Variants in FRMD4A observed in about 807,000 individuals in gnomAD.
FRMD4A encodes the protein FERM domain containing 4A.
Under a neutral mutation model 129.1 loss-of-function variants are expected in FRMD4A, and 29 were observed. The ratio of observed to expected loss-of-function variants is 0.22; its 90% CI spans 0.17 to 0.31. The LOEUF (loss-of-function observed/expected upper bound fraction) is 0.31, where lower values mean the gene tolerates loss of function less well. FRMD4A is among the 10% of genes least tolerant of loss of function. FRMD4A has a pLI of 1.00. For missense variants in FRMD4A, 1,272 were observed against 1,375.8 expected (o/e 0.92, Z 1.19); for synonymous variants, 634 against 571.6 (o/e 1.11, Z -1.56).
At chr10:14,197,839 A>G (rs966944706) in intron 2 of FRMD4A, among the ~76,000 whole-genome samples, 1 of 152,236 alleles carries the variant, frequency 6.6e-6, no homozygotes, top group African/African-American at 2.4e-5. Flanking sequence ...CACATCATCT[A>G]TGCAACCCTT....
chr10:13,943,478 T>C (rs915673525), intron 2 of FRMD4A, among the ~76,000 whole-genome samples: 4 of 150,484 alleles, frequency 2.7e-5, no homozygotes, highest in Non-Finnish European at 5.9e-5. Context: ...TGAAACCCTG[T>C]CTCTACTAAA....
chr10:14,067,484 G>T (rs1835116770), intron 2 of FRMD4A, among the ~76,000 whole-genome samples: 1 of 152,026 alleles, frequency 6.6e-6, no homozygotes, highest in African/African-American at 2.4e-5. Context: ...CTAGGAAATA[G>T]CATCAATATA....
intron 2 of FRMD4A, among the ~76,000 whole-genome samples, chr10:14,218,955 CAAAAAAAAAAAAAAAAAAAAAAAAAAA>C (rs56064346): frequency 1.2e-4 from 9 of 72,638 alleles, no homozygotes; most frequent in Admixed American, 1.5e-4. Context: ...GACTTCATCT[CAAAAAAAAAAAAAAAAAAAAAAAAAAA>C]AAAAAAAAAA....
At chr10:14,205,323 T>G (rs1169497894) in intron 2 of FRMD4A, among the ~76,000 whole-genome samples, 6 of 152,106 alleles carry the variant, frequency 3.9e-5, no homozygotes, top group Non-Finnish European at 8.8e-5. Flanking sequence ...GCAGAACATG[T>G]CCATCATCAT....
At chr10:13,647,186 C>T (rs1293724145) in intron 24 of FRMD4A, 151 bp from the exon 25 acceptor site, 1 of 152,860 alleles carries the variant, frequency 6.5e-6, no homozygotes, top group African/African-American at 2.4e-5. Flanking sequence ...GCCTGAGACC[C>T]TCAACAGTGC....
At chr10:14,019,769 G>A (rs374001333) in intron 2 of FRMD4A, among the ~76,000 whole-genome samples, 2 of 152,358 alleles carry the variant, frequency 1.3e-5, no homozygotes, top group Admixed American at 6.5e-5. Flanking sequence ...AATGTCAGTA[G>A]CAGAAGTAGG....
intron 2 of FRMD4A, among the ~76,000 whole-genome samples, chr10:14,233,925 AC>A (rs1589209282): frequency 6.6e-6 from 1 of 152,232 alleles, no homozygotes; most frequent in African/African-American, 2.4e-5. Flanking sequence ...AATCAATGGG[AC>A]ACAGGGAAAA....
At chr10:13,780,502 C>A (rs550169663) in intron 6 of FRMD4A, among the ~76,000 whole-genome samples, 2 of 152,230 alleles carry the variant, frequency 1.3e-5, no homozygotes, top group African/African-American at 4.8e-5. Flanking sequence ...GGGGCTGTCG[C>A]TCTCAATTAG....
At chr10:14,088,698 C>T (rs2131746943) in intron 2 of FRMD4A, among the ~76,000 whole-genome samples, 2 of 144,488 alleles carry the variant, frequency 1.4e-5, no homozygotes, top group Middle Eastern at 3.6e-3. Flanking sequence ...AACCTGGGAG[C>T]TTGCATGAAC....
chr10:13,877,559 G>A (rs1022187606), intron 2 of FRMD4A, among the ~76,000 whole-genome samples: 35 of 152,200 alleles, frequency 2.3e-4, no homozygotes, highest in African/African-American at 8.4e-4. Context: ...CAGAGCTGCA[G>A]GGAGAGCTTG....
intron 12 of FRMD4A, among the ~76,000 whole-genome samples, chr10:13,718,252 G>A (rs1021490334): frequency 6.6e-6 from 1 of 152,246 alleles, no homozygotes; most frequent in African/African-American, 2.4e-5. Context: ...CGGGTGAGCA[G>A]GCATCAGGCC....
chr10:14,325,491 T>C (rs1270159107), intron 2 of FRMD4A, among the ~76,000 whole-genome samples: 2 of 152,190 alleles, frequency 1.3e-5, no homozygotes, highest in Non-Finnish European at 2.9e-5. Flanking sequence ...CATCCATCAC[T>C]CAACATCTTG....
chr10:14,296,131 GA>G (rs1846001285), intron 2 of FRMD4A, among the ~76,000 whole-genome samples: 1 of 152,066 alleles, frequency 6.6e-6, no homozygotes, highest in Non-Finnish European at 1.5e-5. Flanking sequence ...CCCAGCGGAA[GA>G]AAAATAGAGC....
chr10:14,205,360 T>G (rs1162314550), intron 2 of FRMD4A, among the ~76,000 whole-genome samples: 1 of 152,086 alleles, frequency 6.6e-6, no homozygotes, highest in Admixed American at 6.5e-5. Flanking sequence ...CATGGGAGGA[T>G]TACAGAACTC....
chr10:13,873,745 C>T (rs921520390), intron 2 of FRMD4A, among the ~76,000 whole-genome samples: 50 of 151,908 alleles, frequency 3.3e-4, no homozygotes, highest in Non-Finnish European at 6.5e-4. Flanking sequence ...TGGAGTTTCA[C>T]CATGTTGGCC....
At chr10:14,236,603 C>T (rs1441313812) in intron 2 of FRMD4A, among the ~76,000 whole-genome samples, 1 of 152,168 alleles carries the variant, frequency 6.6e-6, no homozygotes, top group East Asian at 1.9e-4. Context: ...CAAGGGCTTC[C>T]AATCAGCTGG....
intron 2 of FRMD4A, chr10:14,008,222 G>A (rs1180203627): frequency 9.4e-7 from 1 of 1,065,590 alleles, no homozygotes; most frequent in African/African-American, 1.7e-5. Flanking sequence ...TCCCAGCAAA[G>A]GGAGAGAAGG....
chr10:14,042,349 A>G (rs576252377), intron 2 of FRMD4A, among the ~76,000 whole-genome samples: 84 of 152,302 alleles, frequency 5.5e-4, no homozygotes, highest in African/African-American at 1.9e-3. Context: ...TCTAAGTTAC[A>G]GGCCAATCAG....
Position 14,006,023 on chromosome 10 carries a change from C to T in FRMD4A, c.46-147111G>A, listed in dbSNP as rs139970809. ...AACAAACTGCTATTGCTTTACACTC[C>T]CAATGGAAGGGTGCTGGCTCTCAGT... On this transcript the variant is annotated intron_variant, in intron 2 of 24. Coordinates refer to ENST00000357447, the MANE Select transcript of FRMD4A (RefSeq NM_018027.5). Among the ~76,000 whole-genome samples the T allele has an allele frequency of 8.9e-4, 135 of 152,278 alleles. No individual in the cohort carries two copies. In the East Asian group the frequency reaches 9.3e-3, roughly 10 times the overall value.
Sources: allele counts gnomAD v4.1 joint callset (sites outside exome capture counted in the v4.1 genomes callset), GRCh38; gene constraint gnomAD v4.1.1; transcripts MANE v1.5; gene names NCBI Gene and HGNC (gene_info 2026-07-23, HGNC 2026-07-21).